Variants in HYCC2 observed in about 807,000 individuals in gnomAD.
The protein encoded by HYCC2 is hyccin PI4KA lipid kinase complex subunit 2.
At chr2:201,008,176 C>T in the HYCC2 span, among the ~76,000 whole-genome samples, 3 of 152,100 alleles carry the variant, frequency 2.0e-5, no homozygotes, top group African/African-American at 7.2e-5. Flanking sequence ...TGCAACCTGT[C>T]CCTCAAACTG....
the HYCC2 span, among the ~76,000 whole-genome samples, chr2:201,017,357 A>T: frequency 1.3e-5 from 2 of 152,138 alleles, no homozygotes; most frequent in African/African-American, 4.8e-5. Flanking sequence ...TCCACTAACT[A>T]TAAGAAGTAT....
the HYCC2 span, among the ~76,000 whole-genome samples, chr2:201,055,640 T>C: frequency 3.9e-5 from 6 of 152,070 alleles, no homozygotes; most frequent in Non-Finnish European, 5.9e-5. Context: ...TGAGGTTACA[T>C]TGAGCTACAA....
the HYCC2 span, among the ~76,000 whole-genome samples, chr2:201,042,543 G>C: frequency 6.6e-6 from 1 of 152,122 alleles, no homozygotes; most frequent in South Asian, 2.1e-4. Flanking sequence ...CCCCGTCTGG[G>C]AGGTGAGGAG....
the HYCC2 span, among the ~76,000 whole-genome samples, chr2:201,018,320 A>G: frequency 6.6e-6 from 1 of 152,156 alleles, no homozygotes; most frequent in Non-Finnish European, 1.5e-5. Context: ...ACAAGAAACT[A>G]TAAAGTAATT....
the HYCC2 span, among the ~76,000 whole-genome samples, chr2:201,070,552 T>C: frequency 6.6e-6 from 1 of 151,756 alleles, no homozygotes; most frequent in East Asian, 1.9e-4. Context: ...CTCCGGAGGC[T>C]GGGGCAGGAG....
At chr2:200,993,588 C>A in the HYCC2 span, among the ~76,000 whole-genome samples, 3 of 151,970 alleles carry the variant, frequency 2.0e-5, no homozygotes, top group African/African-American at 7.3e-5. Context: ...CAGAAGAAAT[C>A]TTTCAGTGTT....
chr2:201,006,117 C>A, the HYCC2 span, among the ~76,000 whole-genome samples: 1 of 146,416 alleles, frequency 6.8e-6, no homozygotes, highest in African/African-American at 2.5e-5. Context: ...CAGGCGTGAG[C>A]TATCGCGCCT....
chr2:201,057,644 A>T, the HYCC2 span, among the ~76,000 whole-genome samples: 1 of 152,166 alleles, frequency 6.6e-6, no homozygotes, highest in Admixed American at 6.5e-5. Flanking sequence ...AATGGCTGAG[A>T]CACCCATGGC....
chr2:201,009,738 G>A, the HYCC2 span, among the ~76,000 whole-genome samples: 5 of 151,920 alleles, frequency 3.3e-5, no homozygotes, highest in African/African-American at 1.2e-4. Flanking sequence ...GGGATTACAA[G>A]CATGAGCCAC....
chr2:201,042,252 T>G, the HYCC2 span, among the ~76,000 whole-genome samples: 2 of 152,162 alleles, frequency 1.3e-5, no homozygotes, highest in East Asian at 3.8e-4. Context: ...TCTCGCTCAC[T>G]CAATGCTCAA....
chr2:200,999,425 A>G, the HYCC2 span, among the ~76,000 whole-genome samples: 1 of 151,038 alleles, frequency 6.6e-6, no homozygotes, highest in Non-Finnish European at 1.5e-5. Context: ...CGGTCTTGTC[A>G]CCCAGGCTGA....
chr2:201,012,105 T>C, the HYCC2 span, among the ~76,000 whole-genome samples: 3 of 152,104 alleles, frequency 2.0e-5, no homozygotes, highest in Admixed American at 6.6e-5. Flanking sequence ...TGAATGAATC[T>C]TGAATAAAAG....
chr2:201,025,479 GGAGA>G, the HYCC2 span, among the ~76,000 whole-genome samples: 2 of 149,910 alleles, frequency 1.3e-5, no homozygotes, highest in African/African-American at 5.1e-5. Context: ...AAGAAAAGAA[GGAGA>G]GAAAGAAAGA....
the HYCC2 span, among the ~76,000 whole-genome samples, chr2:201,060,746 C>A: frequency 6.6e-6 from 1 of 152,156 alleles, no homozygotes; most frequent in East Asian, 1.9e-4. Context: ...AAAAGAGACT[C>A]CAGCAACAAA....
chr2:201,047,445 C>CATATAT, the HYCC2 span, among the ~76,000 whole-genome samples: 889 of 139,612 alleles, frequency 6.4e-3, 16 homozygotes, highest in African/African-American at 0.024. Flanking sequence ...TCACAGTTCT[C>CATATAT]ATATATATAT....
At chr2:200,982,755 AATTT>A in the HYCC2 span, among the ~76,000 whole-genome samples, 3 of 152,062 alleles carry the variant, frequency 2.0e-5, no homozygotes, top group African/African-American at 7.2e-5. Context: ...TTAACAAAAT[AATTT>A]ATTTATTTAT....
At chr2:201,063,085 C>T in the HYCC2 span, 8 of 1,608,676 alleles carry the variant, frequency 5.0e-6, no homozygotes, top group East Asian at 2.2e-5. Context: ...TTCACCCTGC[C>T]GTCATGTCTA....
chr2:201,057,972 T>C, the HYCC2 span, among the ~76,000 whole-genome samples: 2 of 152,164 alleles, frequency 1.3e-5, no homozygotes, highest in African/African-American at 4.8e-5. Context: ...TCAGCAAGAA[T>C]AGAAATTATA....
chr2:200,982,705 A>G, the HYCC2 span, among the ~76,000 whole-genome samples: 29 of 152,196 alleles, frequency 1.9e-4, no homozygotes, highest in Admixed American at 7.2e-4. Context: ...ACAAAATACG[A>G]TAGTGTCCCA....
Sources: gnomAD v4.1 joint callset for allele counts (sites outside exome capture counted in the v4.1 genomes callset) on GRCh38, gnomAD v4.1.1 for gene constraint, MANE v1.5 for transcripts, NCBI Gene and HGNC (gene_info 2026-07-23, HGNC 2026-07-21) for gene names.